The following PTPN14 variants were observed in gnomAD, a reference collection of about 807,000 sequenced individuals.
PTPN14 encodes protein tyrosine phosphatase non-receptor type 14.
PTPN14 carries 53 observed loss-of-function variants against 126.8 expected under a neutral mutation model. The ratio of observed to expected loss-of-function variants is 0.42; its 90% CI spans 0.34 to 0.53. The LOEUF is 0.53. PTPN14 is among the 20% of genes least tolerant of loss of function. PTPN14 has a pLI of 0.08. For synonymous variants in PTPN14, 630 were observed against 599.3 expected (o/e 1.05, Z -0.75); for missense variants, 1,257 against 1,552.9 (o/e 0.81, Z 3.20).
chr1:214,384,118 G>A lies in PTPN14; in HGVS notation c.1737C>T (p.Thr579=). ...TGTGGCGGTGGCTGGCCAGGTCTGG[G>A]GTGCTGGTGGCAGGTCGTGGCCGTG... The part of the protein sequence containing the change: ...PYPRPRPATS[T]PDLASHRHKY... Residue 579 remains threonine (T), a synonymous_variant, in exon 13 of 19, where the codon ACC becomes ACT. Transcript: ENST00000366956. The surrounding 1 kb of genome is among the most constrained non-coding windows in gnomAD (Gnocchi z 5.3). 6.3e-7 allele frequency: 1 copy of A among 1,574,894 alleles called. No homozygotes were observed. Among genetic ancestry groups the A allele is most frequent in the South Asian group, 1.2e-5 (1 of 85,272 alleles).
At position 214,399,871 on chromosome 1, in the gene PTPN14, A is replaced by C. The variant is rs144816912; in HGVS notation, c.669+1814T>G. Among the ~76,000 whole-genome samples, 69 of 152,158 alleles carry C rather than the reference A, an allele frequency of 4.5e-4. 1 individual carries two copies. Among genetic ancestry groups the C allele is most frequent in the African/African-American group, 1.6e-3 (68 of 41,500 alleles). ...CTGTCTATTAGGTTGTACACTTCTG[A>C]TATCACATTTTAAATTTCAGAGTTT... On this transcript the variant is annotated intron_variant, in intron 7 of 18. Transcript: ENST00000366956.
intron 1 of PTPN14, among the ~76,000 whole-genome samples, chr1:214,535,534 T>C (rs1258020831): frequency 6.6e-6 from 1 of 152,140 alleles, no homozygotes; most frequent in Non-Finnish European, 1.5e-5. Context: ...TCCCAGAACT[T>C]TGGGAGGCTG....
At chr1:214,385,975 T>C (rs1571965482) in intron 12 of PTPN14, among the ~76,000 whole-genome samples, 1 of 152,184 alleles carries the variant, frequency 6.6e-6, no homozygotes, top group East Asian at 1.9e-4. Context: ...CAGCAGAGGA[T>C]TCAAAATGGC....
chr1:214,371,438 G>A (rs17730755), intron 16 of PTPN14, among the ~76,000 whole-genome samples: 30,154 of 152,114 alleles, frequency 0.2, 3,570 homozygotes, highest in Non-Finnish European at 0.27. Flanking sequence ...CACACAAAGA[G>A]GAGGAGGGAT....
At chr1:214,411,789 T>A (rs766641924) in intron 4 of PTPN14, 38 bp from the exon 5 acceptor site, 1 of 1,356,348 alleles carries the variant, frequency 7.4e-7, no homozygotes, top group East Asian at 2.4e-5. Flanking sequence ...GTATTTATTA[T>A]ATGAAATTAA....
chr1:214,443,617 T>C (rs1660080786), intron 3 of PTPN14, among the ~76,000 whole-genome samples: 1 of 152,100 alleles, frequency 6.6e-6, no homozygotes, highest in South Asian at 2.1e-4. Context: ...AACAGGAGGC[T>C]GTCCTTGTCC....
chr1:214,474,574 A>G (rs769209647), intron 1 of PTPN14, among the ~76,000 whole-genome samples: 3 of 152,258 alleles, frequency 2.0e-5, no homozygotes, highest in Non-Finnish European at 4.4e-5. Flanking sequence ...ACAATTAAAT[A>G]GTACCCAGCA....
At chr1:214,373,531 TTTCTC>T (rs1003975533) in intron 15 of PTPN14, among the ~76,000 whole-genome samples, 7 of 150,174 alleles carry the variant, frequency 4.7e-5, no homozygotes, top group Non-Finnish European at 1.0e-4. Context: ...TTTCCATTCT[TTTCTC>T]TTTTCTAGTC....
intron 1 of PTPN14, among the ~76,000 whole-genome samples, chr1:214,515,062 C>T (rs1017899171): frequency 6.6e-6 from 1 of 152,196 alleles, no homozygotes. Context: ...CCTCCTATTA[C>T]ATCTTCTAAA....
At chr1:214,451,121 G>C (rs928251317) in intron 3 of PTPN14, among the ~76,000 whole-genome samples, 1 of 151,866 alleles carries the variant, frequency 6.6e-6, no homozygotes, top group South Asian at 2.1e-4. Context: ...TAGGAAAAGG[G>C]TGGACAAAAC....
chr1:214,364,766 AGTGTGTGTGTGTGT>A lies in PTPN14; in HGVS notation c.3272-105_3272-92del, dbSNP rs57429060. On this transcript the variant is annotated intron_variant, in intron 17 of 18. Coordinates refer to ENST00000366956, the MANE Select transcript of PTPN14 (RefSeq NM_005401.5). The surrounding 1 kb of genome is among the most constrained non-coding windows in gnomAD (Gnocchi z 4.1). ...GGGGAGCGGAAGAGAACTGATGGTG[AGTGTGTGTGTGTGT>A]GTGTGTGTGTGTGTGTGTGTGTGTG... is the stretch of plus-strand genomic sequence containing the variant. 362 of 591,858 alleles carry A rather than the reference AGTGTGTGTGTGTGT, an allele frequency of 6.1e-4. No homozygotes were observed. The highest frequency in any genetic ancestry group is 2.0e-3 in the Middle Eastern group (4 of 1,978). The allele number at this position is 591,858 out of a possible 1,614,324, so 36.7% of individuals were successfully genotyped here. A position where few individuals can be genotyped will look rare whatever the true frequency, so the allele number is the denominator to read the frequency against.
intron 10 of PTPN14, among the ~76,000 whole-genome samples, chr1:214,392,903 T>A (rs1216241288): frequency 6.6e-6 from 1 of 152,226 alleles, no homozygotes; most frequent in Non-Finnish European, 1.5e-5. Flanking sequence ...CTCTCGGATG[T>A]GTCCACTGTG....
At chr1:214,467,454 C>G (rs1660665563) in intron 1 of PTPN14, among the ~76,000 whole-genome samples, 1 of 152,196 alleles carries the variant, frequency 6.6e-6, no homozygotes, top group South Asian at 2.1e-4. Flanking sequence ...GCATTTATCC[C>G]AGCAAAAACA....
At chr1:214,388,491 C>T (rs146256753) in intron 11 of PTPN14, among the ~76,000 whole-genome samples, 2,933 of 152,092 alleles carry the variant, frequency 0.019, 37 homozygotes, top group Middle Eastern at 0.031. Context: ...ACTGCAACCT[C>T]CGCCTCCCGG....
Position 214,384,509 on chromosome 1 carries a change from A to G in PTPN14, c.1346T>C (p.Met449Thr). The G allele has an allele frequency of 6.2e-7, 1 of 1,614,088 alleles. No homozygotes were observed. Among genetic ancestry groups the G allele is most frequent in the African/African-American group, 1.3e-5 (1 of 75,004 alleles). Residue 449 changes from methionine to threonine, a missense_variant, in exon 13 of 19, where the codon ATG becomes ACG. By Grantham distance (81) the Met-to-Thr change is moderately conservative (BLOSUM62 -1). Around this residue, in one of 3 missense-constraint regions of PTPN14, gnomAD observed 1,021 missense variants for 1,183.3 expected, o/e 0.86. Coordinates refer to ENST00000366956, the MANE Select transcript of PTPN14 (RefSeq NM_005401.5). This position sits in a 1 kb window ranked among gnomAD's most constrained non-coding sequence, Gnocchi z 5.3. ...CAGGATCCCCCTCTTCATCTGGCGC[A>G]TGACTGTCTCATAATCGGGGGTTGG... ...YRPTPDYETV[M>T]RQMKRGILHT...
At chr1:214,389,697 A>G (rs1034233809) in intron 11 of PTPN14, among the ~76,000 whole-genome samples, 4 of 152,270 alleles carry the variant, frequency 2.6e-5, no homozygotes, top group Non-Finnish European at 4.4e-5. Flanking sequence ...AGATAAGATC[A>G]CAAGAGAGCT....
chr1:214,364,189 C>G lies in PTPN14; in HGVS notation c.3435+323G>C, dbSNP rs539467715. Among the ~76,000 whole-genome samples the G allele has an allele frequency of 6.6e-6, 1 of 152,130 alleles. No individual in the cohort carries two copies. Among genetic ancestry groups the G allele is most frequent in the Non-Finnish European group, 1.5e-5 (1 of 68,018 alleles). Reference sequence around the variant, plus strand: ...TCAAATAACTCACCATGGAAAATTACCCACAATAAAACCAGGCTATCTACA... The same window carrying G: ...TCAAATAACTCACCATGGAAAATTAGCCACAATAAAACCAGGCTATCTACA... On this transcript the variant is annotated intron_variant, in intron 18 of 18. Transcript: ENST00000366956. This position sits in a 1 kb window ranked among gnomAD's most constrained non-coding sequence, Gnocchi z 4.1.
chr1:214,386,729 C>T (rs924894828), intron 12 of PTPN14, 115 bp downstream of exon 12: 6 of 1,099,892 alleles, frequency 5.5e-6, no homozygotes, highest in Non-Finnish European at 7.9e-6. Context: ...GTCATTCAGA[C>T]GATGACAAAG....
At chr1:214,370,289 A>AG (rs1658187854) in intron 16 of PTPN14, among the ~76,000 whole-genome samples, 1 of 151,832 alleles carries the variant, frequency 6.6e-6, no homozygotes, top group Non-Finnish European at 1.5e-5. Flanking sequence ...TCAAAAAAAA[A>AG]AAAAAAAGAA....
Sources: gnomAD v4.1 joint callset for allele counts (sites outside exome capture counted in the v4.1 genomes callset) on GRCh38, gnomAD v4.1.1 for gene constraint, gnomAD v4.1.1 regional missense constraint, Gnocchi (gnomAD v3.1) non-coding constraint, MANE v1.5 for transcripts, NCBI Gene and HGNC (gene_info 2026-07-23, HGNC 2026-07-21) for gene names.